NOTCH2: variants seen among roughly 807,000 people sequenced by gnomAD.
The protein encoded by NOTCH2 is notch receptor 2.
NOTCH2 carries 29 observed loss-of-function variants against 235.8 expected under a neutral mutation model. The observed-to-expected ratio is 0.12, with a 90% CI of 0.09 to 0.17. The LOEUF (loss-of-function observed/expected upper bound fraction) is 0.17. NOTCH2 is among the 10% of genes least tolerant of loss of function. The probability of loss-of-function intolerance (pLI) is 1.00; values close to 1 mark genes in which losing one functional copy is unlikely to be tolerated. For missense variants in NOTCH2, 2,285 were observed against 3,150.2 expected (o/e 0.73, Z 6.57); for synonymous variants, 1,086 against 1,141.5 (o/e 0.95, Z 0.98).
At position 119,941,725 on chromosome 1, in the gene NOTCH2, C is replaced by T. The variant is rs1553196493; in HGVS notation, c.2782G>A (p.Asp928Asn). 1 of 1,613,978 alleles carries T rather than the reference C, an allele frequency of 6.2e-7. No individual in the cohort carries two copies. Among genetic ancestry groups the T allele is most frequent in the African/African-American group, 1.3e-5 (1 of 74,920 alleles). Residue 928 changes from aspartate to asparagine, a missense_variant, in exon 18 of 34, where the codon GAT becomes AAT. Coordinates refer to ENST00000256646, the MANE Select transcript of NOTCH2 (RefSeq NM_024408.4). ...AGGCAGGAGAAAGTATTCACTCCAT[C>T]CATACAGGAACCTCCATTCTGGCAA... ...NPCQNGGSCMDGVNTFSCLCL... is the reference protein window; with the variant it reads ...NPCQNGGSCMNGVNTFSCLCL...
chr1:119,987,146 C>T, intron 4 of NOTCH2, 64 bp from the exon 5 acceptor site: 1 of 1,588,476 alleles, frequency 6.3e-7, no homozygotes, highest in Non-Finnish European at 8.6e-7. Context: ...CTGCTCTGTT[C>T]CCACAGAACA....
chr1:119,967,516 A>G lies in NOTCH2; in HGVS notation c.1370T>C (p.Ile457Thr). The change falls in exon 8 of 34, where the codon ATC becomes ACC. Residue 457 changes from isoleucine (I) to threonine (T), a missense_variant. By Grantham distance (89) the Ile-to-Thr change is moderately conservative. This residue lies in a region of NOTCH2 where 431 missense variants were observed against 757.8 expected (regional missense o/e 0.57). Coordinates refer to ENST00000256646, the MANE Select transcript of NOTCH2 (RefSeq NM_024408.4). ...GCAGGGGTCTGAATGGCACTCATTGATGTCCATCTCACAACGAGGTCCTGC... is the reference window on the plus strand; with the variant it reads ...GCAGGGGTCTGAATGGCACTCATTGGTGTCCATCTCACAACGAGGTCCTGC... ...GYAGPRCEMDINECHSDPCQN... is the reference protein window; with the variant it reads ...GYAGPRCEMDTNECHSDPCQN... 6.2e-7 allele frequency: 1 copy of G among 1,614,094 alleles called. No individual in the cohort carries two copies. The highest frequency in any genetic ancestry group is 8.5e-7 in the Non-Finnish European group (1 of 1,179,954).
intron 22 of NOTCH2, among the ~76,000 whole-genome samples, chr1:119,931,485 T>C (rs1443374774): frequency 2.6e-5 from 4 of 152,106 alleles, no homozygotes; most frequent in Non-Finnish European, 5.9e-5. Context: ...ACAAGCTGAT[T>C]ATAAAATTAT....
chr1:119,995,987 A>G (rs1485536259), intron 4 of NOTCH2: 1 of 152,582 alleles, frequency 6.6e-6, no homozygotes, highest in African/African-American at 2.4e-5. Flanking sequence ...GAGTAACTAG[A>G]ACAACTTCTT....
chr1:119,925,358 C>T lies in NOTCH2; in HGVS notation c.4458G>A (p.Thr1486=), dbSNP rs61756001. 3.2e-5 allele frequency: 51 copies of T among 1,614,124 alleles called. 1 individual carries two copies. The highest frequency in any genetic ancestry group is 1.7e-4 in the Middle Eastern group (1 of 6,032). The change falls in exon 25 of 34, where the codon ACG becomes ACA. Residue 1486 remains threonine, a synonymous_variant. Transcript: ENST00000256646. ...CAAAGTTGTCAAACAGGCACTCGAC[C>T]GTGTTGCACAGCTCATCACACTGGT... The part of the protein sequence containing the change: ...INNQCDELCN[T]VECLFDNFEC...
At chr1:119,954,259 T>C (rs587648122) in intron 13 of NOTCH2, among the ~76,000 whole-genome samples, 2 of 152,270 alleles carry the variant, frequency 1.3e-5, no homozygotes, top group East Asian at 3.9e-4. Flanking sequence ...CACTAACACT[T>C]AGAATGTGAT....
In NOTCH2 at chr1:119,953,305, C is replaced by T. The variant is rs185669200; in HGVS notation, c.2365+238G>A. On this transcript the variant is annotated intron_variant, in intron 14 of 33. Transcript: ENST00000256646. ...TCCAGCCTGGGCAACAAGAGCAAAA[C>T]TCTGTGTCAAAAAAAAAAAAAATTA... Among the ~76,000 whole-genome samples the T allele has an allele frequency of 2.5e-3, 344 of 135,490 alleles. 11 individuals carry two copies. The highest frequency in any genetic ancestry group is 0.022 in the Admixed American group (327 of 14,852). 88.9% of individuals were successfully genotyped at this position (135,490 alleles called of 152,430 possible).
intron 17 of NOTCH2, among the ~76,000 whole-genome samples, chr1:119,944,317 C>A (rs1270512462): frequency 2.0e-5 from 3 of 151,994 alleles, no homozygotes; most frequent in African/African-American, 7.2e-5. Flanking sequence ...GGACGGATAA[C>A]AAGATCAGGA....
Position 119,915,450 on chromosome 1 carries a change from C to T in NOTCH2, c.7272G>A (p.Gln2424=). ...CAGAGTGGGGTGATGAACTTGACCA[C>T]TGGTCAGGAGACTCTGGGGATGGTG... ...YLTPSPESPD[Q]WSSSSPHSAS... is the part of the protein sequence containing the mutation. The change falls in exon 34 of 34, where the codon CAG becomes CAA. Residue 2424 remains glutamine (Q), a synonymous_variant. Coordinates refer to ENST00000256646, the MANE Select transcript of NOTCH2 (RefSeq NM_024408.4). The T allele has an allele frequency of 1.9e-6, 3 of 1,614,192 alleles. No homozygotes were observed. Among genetic ancestry groups the T allele is most frequent in the Non-Finnish European group, 2.5e-6 (3 of 1,180,034 alleles).
rs1165849541 is a variant in NOTCH2, at chr1:119,936,132, T to C, written c.3523-528A>G. Among the ~76,000 whole-genome samples the C allele has an allele frequency of 2.6e-5, 4 of 152,002 alleles. No homozygotes were observed. The East Asian group carries it at 7.7e-4, about 29-fold the overall frequency. On this transcript the variant is annotated intron_variant, in intron 21 of 33. Transcript: ENST00000256646. Reference sequence around the variant, plus strand: ...GTGGTGGCTGTAGGGGTTGGAAGGATTTCAGGGCTGACCAAGAAAAAAGAT... The same window carrying C: ...GTGGTGGCTGTAGGGGTTGGAAGGACTTCAGGGCTGACCAAGAAAAAAGAT...
intron 1 of NOTCH2, among the ~76,000 whole-genome samples, chr1:120,064,579 C>G (rs1557868015): frequency 6.6e-6 from 1 of 151,994 alleles, no homozygotes; most frequent in Admixed American, 6.5e-5. Flanking sequence ...GGGGCACATG[C>G]CAGACAAGTT....
At chr1:119,984,235 C>T (rs587711641) in intron 5 of NOTCH2, among the ~76,000 whole-genome samples, 1 of 152,154 alleles carries the variant, frequency 6.6e-6, no homozygotes, top group African/African-American at 2.4e-5. Flanking sequence ...TTAAAAAACA[C>T]CCCAAGTTCT....
At chr1:119,976,837 T>C (rs1392645474) in intron 5 of NOTCH2, among the ~76,000 whole-genome samples, 1 of 152,094 alleles carries the variant, frequency 6.6e-6, no homozygotes, top group Non-Finnish European at 1.5e-5. Context: ...CACACGTTAT[T>C]CCTTGTGCCT....
rs1252973323 is a variant in NOTCH2 at position 119,918,448 on chromosome 1, G to A, written c.5887C>T (p.Leu1963=). The change falls in exon 32 of 34, where the codon CTG becomes TTG. Residue 1963 remains leucine (L), a synonymous_variant. Transcript: ENST00000256646. ...RLAVEGMVAE[L]INCQADVNAV... ...TTCACATCCGCTTGGCAGTTGATCA[G>A]TTCTGCCACCATTCCCTCCACAGCC... 1.9e-6 allele frequency: 3 copies of A among 1,614,168 alleles called. No individual in the cohort carries two copies. Among genetic ancestry groups the A allele is most frequent in the Non-Finnish European group, 2.5e-6 (3 of 1,180,028 alleles).
At chr1:119,934,987 A>C in intron 22 of NOTCH2, 1 of 550,360 alleles carries the variant, frequency 1.8e-6, no homozygotes, top group Non-Finnish European at 2.3e-6. Flanking sequence ...ACTGCATCCT[A>C]AGGTAGAACC....
rs1553202319 is a variant in NOTCH2, at chr1:119,987,114, A to C, written c.752-32T>G. ...AATGAAGAACAAATGAAAATGATGA[A>C]ATCTCATACAGAAGAAACGACCTGC... On this transcript the variant is annotated intron_variant, in intron 4 of 33. Transcript: ENST00000256646. 12 of 1,612,788 alleles carry C rather than the reference A, an allele frequency of 7.4e-6. No individual in the cohort carries two copies. The South Asian group carries it at 1.3e-4, about 18-fold the overall frequency.
At chr1:119,966,715 A>C (rs1293665387) in intron 8 of NOTCH2, among the ~76,000 whole-genome samples, 1 of 152,178 alleles carries the variant, frequency 6.6e-6, no homozygotes, top group Non-Finnish European at 1.5e-5. Flanking sequence ...GGATTACATT[A>C]AAAGACATTG....
intron 1 of NOTCH2, among the ~76,000 whole-genome samples, chr1:120,048,081 C>A (rs1286420765): frequency 6.6e-6 from 1 of 151,308 alleles, no homozygotes; most frequent in Non-Finnish European, 1.5e-5. Context: ...AATTACTTAC[C>A]TTTCTAAGGC....
In NOTCH2 at chr1:119,928,865, T is replaced by G. The variant is rs900076368; in HGVS notation, c.3892+111A>C. Reference sequence around the variant, plus strand: ...TTAAAAAATTAAGCTGCTGTTGTTTTTCTTATATAAGAAAAGCTTCACTTG... The same window carrying G: ...TTAAAAAATTAAGCTGCTGTTGTTTGTCTTATATAAGAAAAGCTTCACTTG... On this transcript the variant is annotated intron_variant, in intron 23 of 33. Transcript: ENST00000256646. 31 of 907,184 alleles carry G rather than the reference T, an allele frequency of 3.4e-5. No homozygotes were observed. The African/African-American group carries it at 5.1e-4, about 15-fold the overall frequency. The allele number at this position is 907,184 out of a possible 1,614,324, so 56.2% of individuals were successfully genotyped here.
Sources: gnomAD v4.1 joint callset for allele counts (sites outside exome capture counted in the v4.1 genomes callset) on GRCh38, gnomAD v4.1.1 for gene constraint, gnomAD v4.1.1 regional missense constraint, MANE v1.5 for transcripts, NCBI Gene and HGNC (gene_info 2026-07-23, HGNC 2026-07-21) for gene names.